RPA3: variants seen among roughly 807,000 people sequenced by gnomAD.
The protein encoded by RPA3 is replication protein A 14 kDa subunit.
A neutral mutation model predicts 13.7 loss-of-function variants in RPA3; 24 were observed. The observed-to-expected ratio is 1.75, with a 90% CI of 1.27 to 2.46. The LOEUF (loss-of-function observed/expected upper bound fraction) is 2.46. RPA3 is among the 30% of genes most tolerant of loss of function. The probability of loss-of-function intolerance (pLI) is 0.00; values close to 1 mark genes in which losing one functional copy is unlikely to be tolerated. For synonymous variants in RPA3, 59 were observed against 51.2 expected, an observed-to-expected ratio of 1.15 and a Z score of -0.65; for missense variants, 183 against 151.0, an observed-to-expected ratio of 1.21 and a Z score of -1.11.
At chr7:7,680,198 C>T (rs1315573531) in intron 4 of RPA3, among the ~76,000 whole-genome samples, 4 of 152,024 alleles carry the variant, frequency 2.6e-5, no homozygotes, top group Non-Finnish European at 4.4e-5. Context: ...GTATTTTATC[C>T]ATTTTGATTT....
intron 2 of RPA3, among the ~76,000 whole-genome samples, chr7:7,688,790 C>A (rs1358102074): frequency 6.6e-6 from 1 of 152,128 alleles, no homozygotes; most frequent in Non-Finnish European, 1.5e-5. Flanking sequence ...ATTGTAAGCA[C>A]ATGACTATCA....
rs28915986 is a variant in RPA3, at chr7:7,672,596, G to A, written c.-758+13234C>T. ...ATGGGAGCCATTTCATGTTGTTCTCGTGATAGTGAGTGAGTTCTCATGAGA... is the reference window on the plus strand; with the variant it reads ...ATGGGAGCCATTTCATGTTGTTCTCATGATAGTGAGTGAGTTCTCATGAGA... On this transcript the variant is annotated intron_variant, in intron 4 of 7. Transcript: ENST00000223129. Among the ~76,000 whole-genome samples, 1,487 of 152,260 alleles carry A rather than the reference G, an allele frequency of 9.8e-3. 14 individuals carry two copies. Among genetic ancestry groups the A allele is most frequent in the Non-Finnish European group, 0.016 (1,105 of 68,014 alleles).
intron 4 of RPA3, among the ~76,000 whole-genome samples, chr7:7,681,089 AT>A (rs375023357): frequency 6.6e-6 from 1 of 152,342 alleles, no homozygotes; most frequent in Non-Finnish European, 1.5e-5. Context: ...GTAAAAACTT[AT>A]AAACATGATT....
intron 4 of RPA3, chr7:7,673,180 G>T: frequency 1.4e-6 from 1 of 712,152 alleles, no homozygotes; most frequent in East Asian, 2.7e-5. Flanking sequence ...AAGGCTCATG[G>T]TTTTACATGT....
chr7:7,713,179 A>C (rs1251631886), intron 2 of RPA3, among the ~76,000 whole-genome samples: 1 of 151,748 alleles, frequency 6.6e-6, no homozygotes, highest in Non-Finnish European at 1.5e-5. Context: ...TCTACTAAAA[A>C]TACAAAAAAA....
At chr7:7,693,004 A>T (rs1314045258) in intron 2 of RPA3, among the ~76,000 whole-genome samples, 1 of 152,180 alleles carries the variant, frequency 6.6e-6, no homozygotes, top group Non-Finnish European at 1.5e-5. Context: ...CATTTACCTA[A>T]GGACCATATG....
At chr7:7,671,928 T>C (rs1190927754) in intron 4 of RPA3, among the ~76,000 whole-genome samples, 1 of 152,198 alleles carries the variant, frequency 6.6e-6, no homozygotes, top group Non-Finnish European at 1.5e-5. Flanking sequence ...CTTCTCCATT[T>C]TGAATTCCTT....
chr7:7,679,643 T>G (rs1779852013), intron 4 of RPA3, among the ~76,000 whole-genome samples: 1 of 95,008 alleles, frequency 1.1e-5, no homozygotes, highest in Non-Finnish European at 1.9e-5. Flanking sequence ...ATTTAATTTA[T>G]AGATAAATAT....
intron 1 of RPA3, among the ~76,000 whole-genome samples, chr7:7,717,281 T>A (rs1780940160): frequency 6.6e-6 from 1 of 152,098 alleles, no homozygotes; most frequent in South Asian, 2.1e-4. Flanking sequence ...GGTCTCGAAC[T>A]CCTGACCCCA....
chr7:7,647,997 C>T (rs550205017), intron 4 of RPA3, among the ~76,000 whole-genome samples: 9 of 152,244 alleles, frequency 5.9e-5, no homozygotes, highest in African/African-American at 2.2e-4. Flanking sequence ...CGTTTTCCAT[C>T]CTATATCTCA....
intron 4 of RPA3, among the ~76,000 whole-genome samples, chr7:7,672,234 C>G (rs1779624321): frequency 1.3e-5 from 2 of 152,116 alleles, no homozygotes; most frequent in African/African-American, 2.4e-5. Flanking sequence ...AAGGAACTGT[C>G]CTCAGAATCC....
rs549645165 is a variant in RPA3, at chr7:7,680,359, AT to A, written c.-758+5470del. Among the ~76,000 whole-genome samples, 227 of 152,140 alleles carry A rather than the reference AT, an allele frequency of 1.5e-3. 2 individuals are homozygous for A. The highest frequency in any genetic ancestry group is 5.1e-3 in the African/African-American group (211 of 41,504). ...AAATGAGTTCATTGTAAATGTGTGA[AT>A]TTATTCCTGGGTTCTGTATTTGGTT... On this transcript the variant is annotated intron_variant, in intron 4 of 7. Coordinates refer to ENST00000223129, the MANE Select transcript of RPA3 (RefSeq NM_002947.5).
chr7:7,671,537 C>T (rs751788474), intron 4 of RPA3, among the ~76,000 whole-genome samples: 3 of 152,096 alleles, frequency 2.0e-5, no homozygotes, highest in Non-Finnish European at 4.4e-5. Flanking sequence ...TTTAACTGTT[C>T]GAGGTTGAAA....
intron 5 of RPA3, chr7:7,640,100 T>C (rs2115539053): frequency 1.8e-6 from 1 of 570,858 alleles, no homozygotes; most frequent in Non-Finnish European, 3.1e-6. Flanking sequence ...CACTGGAATT[T>C]AGAACTCAGC....
intron 4 of RPA3, among the ~76,000 whole-genome samples, chr7:7,661,368 T>A (rs1295710062): frequency 2.0e-5 from 3 of 152,200 alleles, no homozygotes; most frequent in Admixed American, 2.0e-4. Context: ...GGAGTTATGA[T>A]CCTTTGGAGG....
intron 2 of RPA3, among the ~76,000 whole-genome samples, chr7:7,692,723 C>A (rs1390167837): frequency 6.6e-6 from 1 of 152,126 alleles, no homozygotes; most frequent in South Asian, 2.1e-4. Flanking sequence ...GATTCTCCTG[C>A]CTCAGCCTCC....
chr7:7,671,837 T>G (rs17546500), intron 4 of RPA3, among the ~76,000 whole-genome samples: 8,341 of 152,280 alleles, frequency 0.055, 246 homozygotes, highest in East Asian at 0.09. Context: ...CTATATCCAG[T>G]AAGCACTTTC....
Position 7,640,758 on chromosome 7 carries a change from A to G in RPA3, c.-340T>C. 1 of 241,200 alleles carries G rather than the reference A, an allele frequency of 4.1e-6. No individual in the cohort carries two copies. Among genetic ancestry groups the G allele is most frequent in the Non-Finnish European group, 8.2e-6 (1 of 121,584 alleles). 14.9% of individuals were successfully genotyped at this position (241,200 alleles called of 1,614,324 possible). On this transcript the variant is annotated 5_prime_UTR_variant, in exon 5 of 8. Coordinates refer to ENST00000223129, the MANE Select transcript of RPA3 (RefSeq NM_002947.5). ...TCACAGGATTCCCGGCGGTGACTTG[A>G]CCCCGGAAGTGGGGTGTGAAGCTCC...
intron 4 of RPA3, among the ~76,000 whole-genome samples, chr7:7,670,620 A>G (rs973870886): frequency 2.6e-5 from 4 of 152,204 alleles, no homozygotes; most frequent in South Asian, 2.1e-4. Flanking sequence ...ATATAGCATC[A>G]TGCTCAAAGT....
Sources: gnomAD v4.1 joint callset for allele counts (sites outside exome capture counted in the v4.1 genomes callset) on GRCh38, gnomAD v4.1.1 for gene constraint, MANE v1.5 for transcripts, NCBI Gene and HGNC (gene_info 2026-07-23, HGNC 2026-07-21) for gene names.